The following ZNF420 variants were observed in gnomAD, a reference collection of about 807,000 sequenced individuals.
The protein encoded by ZNF420 is ATM and p53-associated KZNF protein.
Under a neutral mutation model 44.7 loss-of-function variants are expected in ZNF420, and 31 were observed. That is an observed-to-expected ratio of 0.69 (90% confidence interval 0.52 to 0.94). The LOEUF is 0.94. Among genes scored for constraint, ZNF420 ranks in the 40% least tolerant of loss-of-function variants. The pLI is 0.00. For missense variants in ZNF420, 681 were observed against 827.9 expected (o/e 0.82, Z 2.18); for synonymous variants, 245 against 267.4 (o/e 0.92, Z 0.82).
rs557785736 is a variant in ZNF420, at chr19:37,059,442, G to A, written c.-124-20903G>A. On this transcript the variant is annotated intron_variant, in intron 1 of 4. Transcript: ENST00000587029. ...GTCCCTGAGGCTTGGCAAAGCAGGA[G>A]CCCTCCGTGGCAGTGCTTGGCTGTC... is the stretch of plus-strand genomic sequence containing the variant. Among the ~76,000 whole-genome samples, 444 of 152,384 alleles carry A rather than the reference G, an allele frequency of 2.9e-3. 5 individuals carry two copies. The highest frequency in any genetic ancestry group is 0.01 in the African/African-American group (428 of 41,598).
chr19:37,055,862 C>A (rs1290163946), intron 1 of ZNF420, among the ~76,000 whole-genome samples: 2 of 152,152 alleles, frequency 1.3e-5, no homozygotes, highest in Non-Finnish European at 2.9e-5. Context: ...CCGAGGCCTG[C>A]CCGGATGGTG....
chr19:37,052,984 C>T (rs1257533620), intron 1 of ZNF420, among the ~76,000 whole-genome samples: 2 of 152,194 alleles, frequency 1.3e-5, no homozygotes, highest in Non-Finnish European at 2.9e-5. Context: ...TTCTCCCTGT[C>T]ACTTTCAGGT....
At chr19:37,069,967 T>C (rs887756691) in intron 1 of ZNF420, among the ~76,000 whole-genome samples, 27 of 151,830 alleles carry the variant, frequency 1.8e-4, no homozygotes, top group African/African-American at 5.8e-4. Flanking sequence ...AATAGAAAAA[T>C]AGTTATATTA....
intron 4 of ZNF420, chr19:37,107,568 T>C (rs994381548): frequency 1.3e-5 from 2 of 152,052 alleles, no homozygotes; most frequent in African/African-American, 4.8e-5. Context: ...TATTTCTGCA[T>C]AGACACGGTA....
At chr19:37,118,182 A>G (rs543281233) in intron 4 of ZNF420, among the ~76,000 whole-genome samples, 1 of 152,366 alleles carries the variant, frequency 6.6e-6, no homozygotes, top group Non-Finnish European at 1.5e-5. Context: ...CAGATTCACC[A>G]AAGTTGAAAT....
At chr19:37,073,501 G>A (rs1465934598), upstream of ZNF420, among the ~76,000 whole-genome samples, 3 of 152,100 alleles carry the variant, frequency 2.0e-5, no homozygotes, top group African/African-American at 7.2e-5. Flanking sequence ...CACTTTGGGA[G>A]GCCTAGGCGG....
At chr19:37,018,297 A>G (rs114103688) in intron 1 of ZNF420, among the ~76,000 whole-genome samples, 408 of 152,356 alleles carry the variant, frequency 2.7e-3, no homozygotes, top group African/African-American at 9.1e-3. Flanking sequence ...GGAAAAATCT[A>G]TCCTGAAATT....
Position 37,128,284 on chromosome 19 carries a change from C to T in ZNF420, c.1293C>T (p.Gly431=). Residue 431 remains glycine, a synonymous_variant, in exon 5 of 5, where the codon GGC becomes GGT. Transcript: ENST00000337995. ...AATGTGGAAAAGCGTTTAATCGTGG[C>T]TCACTCCTTACACGACACCAGAGGA... The part of the protein sequence containing the change: ...CKECGKAFNR[G]SLLTRHQRIH... 1.2e-6 allele frequency: 2 copies of T among 1,613,756 alleles called. No homozygotes were observed. Among genetic ancestry groups the T allele is most frequent in the South Asian group, 2.2e-5 (2 of 91,060 alleles).
At chr19:37,022,185 CA>C in intron 1 of ZNF420, among the ~76,000 whole-genome samples, 1 of 150,518 alleles carries the variant, frequency 6.6e-6, no homozygotes, top group South Asian at 2.1e-4. Flanking sequence ...TGTATAGGGG[CA>C]AAAAAATCTA....
chr19:37,030,694 CACAT>C (rs1323457948), intron 1 of ZNF420, among the ~76,000 whole-genome samples: 2 of 152,212 alleles, frequency 1.3e-5, no homozygotes, highest in East Asian at 1.9e-4. Context: ...ATATCATACT[CACAT>C]ACAATTTCAA....
intron 1 of ZNF420, among the ~76,000 whole-genome samples, chr19:37,034,686 G>T (rs1967322346): frequency 6.6e-6 from 1 of 152,158 alleles, no homozygotes; most frequent in Non-Finnish European, 1.5e-5. Context: ...TGCAAAATTG[G>T]CATGGAGAAC....
intron 1 of ZNF420, among the ~76,000 whole-genome samples, chr19:37,019,843 C>T (rs2074633437): frequency 6.6e-6 from 1 of 152,006 alleles, no homozygotes; most frequent in African/African-American, 2.4e-5. Context: ...CTCTGGGAAA[C>T]TGAAAGCAGT....
intron 1 of ZNF420, among the ~76,000 whole-genome samples, chr19:37,068,465 C>T (rs1023715816): frequency 1.3e-5 from 2 of 152,014 alleles, no homozygotes; most frequent in Non-Finnish European, 2.9e-5. Flanking sequence ...CATGGAGAAA[C>T]CCTGTCTCTA....
At chr19:37,056,995 C>T (rs558807992) in intron 1 of ZNF420, among the ~76,000 whole-genome samples, 5 of 152,274 alleles carry the variant, frequency 3.3e-5, no homozygotes. Flanking sequence ...TCGGCCTAGC[C>T]AATGCGCATG....
chr19:37,090,306 GC>G (rs1479842893), intron 3 of ZNF420, among the ~76,000 whole-genome samples: 7 of 150,982 alleles, frequency 4.6e-5, no homozygotes, highest in African/African-American at 1.7e-4. Context: ...ACTAGCCTGG[GC>G]AACATAACAA....
chr19:37,130,258 CTAGCT>C lies in ZNF420; in HGVS notation c.*1201_*1205del. ...CTGATGACTTTGTGGAACAGCCATA[CTAGCT>C]CTGGTCTGCTTGCCTCCTGTTTCTC... On this transcript the variant is annotated 3_prime_UTR_variant, in exon 5 of 5. Transcript: ENST00000337995. 1 of 1,505,858 alleles carries C rather than the reference CTAGCT, an allele frequency of 6.6e-7. No individual in the cohort carries two copies. The highest frequency in any genetic ancestry group is 1.3e-5 in the South Asian group (1 of 76,298). 93.3% of individuals were successfully genotyped at this position (1,505,858 alleles called of 1,614,324 possible). A position where few individuals can be genotyped will look rare whatever the true frequency, so the allele number is the denominator to read the frequency against.
intron 1 of ZNF420, among the ~76,000 whole-genome samples, chr19:37,062,544 C>T (rs1197835634): frequency 6.6e-6 from 1 of 152,054 alleles, no homozygotes. Context: ...CTATGAAGGC[C>T]AGATTCAAAT....
At chr19:37,042,251 C>A (rs2049364853) in intron 1 of ZNF420, among the ~76,000 whole-genome samples, 5 of 152,246 alleles carry the variant, frequency 3.3e-5, no homozygotes, top group Admixed American at 3.3e-4. Context: ...CCTGCCTCAG[C>A]CTCCCAAAGT....
At chr19:37,067,346 T>G (rs1032273959) in intron 1 of ZNF420, among the ~76,000 whole-genome samples, 3 of 152,188 alleles carry the variant, frequency 2.0e-5, no homozygotes, top group African/African-American at 7.2e-5. Flanking sequence ...GTTAGTGGTA[T>G]GCATGCTAAA....
Sources: gnomAD v4.1 joint callset for allele counts (sites outside exome capture counted in the v4.1 genomes callset) on GRCh38, gnomAD v4.1.1 for gene constraint, MANE v1.5 for transcripts, NCBI Gene and HGNC (gene_info 2026-07-23, HGNC 2026-07-21) for gene names.